The following MYRFL variants were observed in gnomAD, a reference collection of about 807,000 sequenced individuals.
MYRFL encodes myelin regulatory factor-like protein.
In MYRFL, 88 loss-of-function variants were observed where a neutral mutation model predicts 109.4. That is an observed-to-expected ratio of 0.80 (90% CI 0.68 to 0.96). MYRFL has a LOEUF of 0.96. MYRFL is among the 40% of genes least tolerant of loss of function. The pLI is 0.00. For missense variants in MYRFL, 957 were observed against 954.9 expected, an observed-to-expected ratio of 1.00 and a Z score of -0.03; for synonymous variants, 324 against 320.9, an observed-to-expected ratio of 1.01 and a Z score of -0.10.
chr12:69,936,826 T>C (rs75839064), intron 19 of MYRFL, among the ~76,000 whole-genome samples, 194 bp downstream of exon 19: 4,934 of 152,280 alleles, frequency 0.032, 260 homozygotes, highest in African/African-American at 0.11. Context: ...AGGAATGAAA[T>C]TTTGGTTGAT....
intron 5 of MYRFL, among the ~76,000 whole-genome samples, chr12:69,883,927 A>G (rs982705044): frequency 1.3e-5 from 2 of 152,126 alleles, no homozygotes; most frequent in African/African-American, 4.8e-5. Context: ...ATATTACATC[A>G]TAGTATTCCA....
intron 13 of MYRFL, among the ~76,000 whole-genome samples, chr12:69,924,593 G>A (rs1955014214): frequency 6.6e-6 from 1 of 152,128 alleles, no homozygotes; most frequent in Admixed American, 6.5e-5. Flanking sequence ...TCCTAGAAGT[G>A]GGTGTACTGG....
intron 1 of MYRFL, among the ~76,000 whole-genome samples, chr12:69,832,628 A>T (rs1273661250): frequency 6.6e-6 from 1 of 152,120 alleles, no homozygotes; most frequent in Non-Finnish European, 1.5e-5. Flanking sequence ...CTGGGAGAAG[A>T]ACATTTTAGG....
At chr12:69,870,099 C>CCT (rs1885254679) in intron 2 of MYRFL, among the ~76,000 whole-genome samples, 1 of 81,330 alleles carries the variant, frequency 1.2e-5, no homozygotes, top group African/African-American at 5.2e-5. Context: ...ATTTTTCTTC[C>CCT]TTTTTTTTTT....
chr12:69,921,263 G>A (rs576978852), intron 13 of MYRFL, among the ~76,000 whole-genome samples: 16 of 151,908 alleles, frequency 1.1e-4, no homozygotes, highest in East Asian at 7.8e-4. Flanking sequence ...GCTGGTCTTC[G>A]AACTCCTAGC....
chr12:69,835,573 G>A (rs867793582), intron 1 of MYRFL, among the ~76,000 whole-genome samples: 4 of 152,168 alleles, frequency 2.6e-5, no homozygotes, highest in Admixed American at 6.5e-5. Context: ...TACTGCCCTT[G>A]TTCCTATCTG....
At chr12:69,870,177 C>T (rs1215435643) in intron 2 of MYRFL, among the ~76,000 whole-genome samples, 4 of 121,688 alleles carry the variant, frequency 3.3e-5, no homozygotes, top group Admixed American at 1.0e-4. Context: ...GTTGAGATCT[C>T]GGCTCACTGC....
At chr12:69,901,903 A>ATTTTTTT (rs1203678206) in intron 10 of MYRFL, among the ~76,000 whole-genome samples, 10 of 137,486 alleles carry the variant, frequency 7.3e-5, no homozygotes, top group Non-Finnish European at 1.1e-4. Context: ...GTTTTTTTTA[A>ATTTTTTT]ATTTTCTTGA....
intron 16 of MYRFL, among the ~76,000 whole-genome samples, chr12:69,933,847 A>C (rs945144144): frequency 6.9e-6 from 1 of 144,856 alleles, no homozygotes; most frequent in Admixed American, 7.1e-5. Context: ...TAAGGTAAAG[A>C]GACTGCTTTT....
At chr12:69,872,604 G>A (rs1277335410) in intron 2 of MYRFL, among the ~76,000 whole-genome samples, 1 of 151,996 alleles carries the variant, frequency 6.6e-6, no homozygotes, top group African/African-American at 2.4e-5. Context: ...GAGGTCATAC[G>A]ATTCTCCTGC....
intron 19 of MYRFL, among the ~76,000 whole-genome samples, chr12:69,951,826 A>G (rs1955983857): frequency 6.6e-6 from 1 of 152,198 alleles, no homozygotes; most frequent in Non-Finnish European, 1.5e-5. Context: ...GGCCCTATCA[A>G]CAAACAGTCA....
At chr12:69,929,151 A>C (rs951311714) in intron 15 of MYRFL, among the ~76,000 whole-genome samples, 5 of 152,186 alleles carry the variant, frequency 3.3e-5, no homozygotes, top group Non-Finnish European at 7.3e-5. Context: ...GACAACTTAA[A>C]TTAAAAAACA....
At chr12:69,958,031 C>T (rs1956132921) in intron 23 of MYRFL, 89 bp downstream of exon 23, 3 of 1,462,252 alleles carry the variant, frequency 2.1e-6, no homozygotes, top group South Asian at 2.7e-5. Context: ...CAACCCTAGT[C>T]ACAGGGCTTG....
intron 23 of MYRFL, 100 bp downstream of exon 23, chr12:69,958,042 G>C (rs1956133064): frequency 6.9e-7 from 1 of 1,440,836 alleles, no homozygotes; most frequent in East Asian, 2.5e-5. Context: ...ACAGGGCTTG[G>C]CTCAGCCTCT....
chr12:69,844,140 T>C (rs1883394609), intron 1 of MYRFL, among the ~76,000 whole-genome samples: 1 of 152,232 alleles, frequency 6.6e-6, no homozygotes, highest in Non-Finnish European at 1.5e-5. Context: ...TTTTGAGTAA[T>C]TTCCTTTGGA....
At chr12:69,930,374 C>T (rs564777114) in intron 15 of MYRFL, among the ~76,000 whole-genome samples, 2 of 152,090 alleles carry the variant, frequency 1.3e-5, no homozygotes, top group Non-Finnish European at 2.9e-5. Context: ...CTCATTCAGT[C>T]AGTAGGGTTC....
At position 69,926,932 on chromosome 12, in the gene MYRFL, G is replaced by GTTTTTTTTTTTTTTTTTTTTTTTTTTT. The variant is rs1336716063; in HGVS notation, c.1766+198_1766+199insTTTTTTTTTTTTTTTTTTTTTTTTTTT. On this transcript the variant is annotated intron_variant, in intron 14 of 24. Transcript: ENST00000552032. ...ACTTTCTTAGTTTTTTTCTGTTGCT[G>GTTTTTTTTTTTTTTTTTTTTTTTTTTT]GTTTTTTTTTTTTTTTTTTTTTTTT... 4.8e-4 allele frequency among the ~76,000 whole-genome samples: 37 copies of GTTTTTTTTTTTTTTTTTTTTTTTTTTT among 76,850 alleles called. 15 individuals carry two copies. Among genetic ancestry groups the GTTTTTTTTTTTTTTTTTTTTTTTTTTT allele is most frequent in the Non-Finnish European group, 8.7e-4 (34 of 39,078 alleles). The allele number at this position is 76,850 out of a possible 152,430, so 50.4% of individuals were successfully genotyped here. A position where few individuals can be genotyped will look rare whatever the true frequency, so the allele number is the denominator to read the frequency against.
At chr12:69,880,507 A>G (rs1886009575) in intron 5 of MYRFL, among the ~76,000 whole-genome samples, 1 of 152,200 alleles carries the variant, frequency 6.6e-6, no homozygotes, top group African/African-American at 2.4e-5. Context: ...TTCCCGTCTC[A>G]GGTGTGGGTG....
chr12:69,877,023 C>CTTTCTTTCTTTCTTTTTTT (rs779815894), intron 2 of MYRFL, among the ~76,000 whole-genome samples: 1 of 128,898 alleles, frequency 7.8e-6, no homozygotes, highest in Non-Finnish European at 1.6e-5. Flanking sequence ...TTCTTTCTTT[C>CTTTCTTTCTTTCTTTTTTT]TTTTTTTTTT....
Sources: gnomAD v4.1 joint callset for allele counts (sites outside exome capture counted in the v4.1 genomes callset) on GRCh38, gnomAD v4.1.1 for gene constraint, MANE v1.5 for transcripts, NCBI Gene and HGNC (gene_info 2026-07-23, HGNC 2026-07-21) for gene names.